Variants in HIPK2 observed in about 807,000 individuals in gnomAD.
The protein encoded by HIPK2 is homeodomain-interacting protein kinase 2.
A neutral mutation model predicts 113.7 loss-of-function variants in HIPK2; 27 were observed. That is an observed-to-expected ratio of 0.24 (90% CI 0.17 to 0.33). The LOEUF is 0.33. HIPK2 is among the 10% of genes least tolerant of loss of function. The probability of loss-of-function intolerance (pLI) is 1.00; values close to 1 mark genes in which losing one functional copy is unlikely to be tolerated. For missense variants in HIPK2, 1,257 were observed against 1,588.0 expected (o/e 0.79, Z 3.54); for synonymous variants, 631 against 642.2 (o/e 0.98, Z 0.26).
In HIPK2 at chr7:139,562,971, C is replaced by T. The variant is rs1016341462; in HGVS notation, c.*9956G>A. The stretch of plus-strand genomic sequence containing the variant: ...TCATTTGGTTAAAAAAATGCACACA[C>T]AGAGGATGAAGAGATGATTTGGGGG... On this transcript the variant is annotated 3_prime_UTR_variant, in exon 15 of 15. Coordinates refer to ENST00000406875, the MANE Select transcript of HIPK2 (RefSeq NM_022740.5). 4 of 152,122 alleles carry T rather than the reference C, an allele frequency of 2.6e-5. No individual in the cohort carries two copies. Among genetic ancestry groups the T allele is most frequent in the African/African-American group, 9.7e-5 (4 of 41,404 alleles). The allele number at this position is 152,122 out of a possible 1,614,324, so 9.4% of individuals were successfully genotyped here.
At chr7:139,670,161 C>T (rs796474290) in intron 2 of HIPK2, among the ~76,000 whole-genome samples, 9 of 152,242 alleles carry the variant, frequency 5.9e-5, no homozygotes, top group African/African-American at 2.2e-4. Context: ...GGTTCAAGTC[C>T]TAAAAGGCTG....
chr7:139,645,584 C>T (rs1010994617), intron 2 of HIPK2, among the ~76,000 whole-genome samples: 3 of 152,212 alleles, frequency 2.0e-5, no homozygotes, highest in African/African-American at 4.8e-5. Flanking sequence ...AATAAAGCCA[C>T]TACTCCTGGC....
intron 2 of HIPK2, among the ~76,000 whole-genome samples, chr7:139,632,131 G>C (rs1443342169): frequency 3.9e-5 from 6 of 152,200 alleles, no homozygotes; most frequent in African/African-American, 1.4e-4. Context: ...CTGAAACGCA[G>C]GTCTTCTATT....
chr7:139,746,468 T>C (rs1331657919), intron 1 of HIPK2, among the ~76,000 whole-genome samples: 1 of 152,182 alleles, frequency 6.6e-6, no homozygotes, highest in East Asian at 1.9e-4. Flanking sequence ...TAAGAGTGCT[T>C]GGAAAAGACA....
intron 6 of HIPK2, 74 bp from the exon 7 acceptor site, chr7:139,620,637 A>G: frequency 6.5e-7 from 1 of 1,549,082 alleles, no homozygotes; most frequent in Non-Finnish European, 8.8e-7. Context: ...TGAAGGGGAG[A>G]AAACAAAGGA....
intron 13 of HIPK2, among the ~76,000 whole-genome samples, chr7:139,583,175 TA>T (rs1798725057): frequency 6.6e-6 from 1 of 152,228 alleles, no homozygotes; most frequent in South Asian, 2.1e-4. Flanking sequence ...AGGGAAACGC[TA>T]AATAGATGCT....
intron 2 of HIPK2, among the ~76,000 whole-genome samples, chr7:139,646,746 T>G (rs924257349): frequency 1.3e-5 from 2 of 152,102 alleles, no homozygotes; most frequent in Non-Finnish European, 2.9e-5. Flanking sequence ...GCTTATGGAA[T>G]CAGGGAGCTG....
intron 1 of HIPK2, among the ~76,000 whole-genome samples, chr7:139,733,294 C>T (rs1254557277): frequency 6.6e-6 from 1 of 152,212 alleles, no homozygotes; most frequent in African/African-American, 2.4e-5. Context: ...CAGTCCTAAA[C>T]AAGCGTTTAG....
chr7:139,719,376 T>C (rs113985851), intron 1 of HIPK2, among the ~76,000 whole-genome samples: 6,911 of 152,154 alleles, frequency 0.045, 208 homozygotes, highest in Non-Finnish European at 0.063. Flanking sequence ...AGTGCTGGTA[T>C]TACAGGTGTG....
chr7:139,706,871 T>C (rs1163222533), intron 2 of HIPK2, among the ~76,000 whole-genome samples: 1 of 152,234 alleles, frequency 6.6e-6, no homozygotes, highest in Non-Finnish European at 1.5e-5. Context: ...GGGTCACACT[T>C]TCTCTGATTC....
rs202045247 is a variant in HIPK2 at position 139,757,599 on chromosome 7, A to G, written c.19+20006T>C. On this transcript the variant is annotated intron_variant, in intron 1 of 14. Coordinates refer to ENST00000406875, the MANE Select transcript of HIPK2 (RefSeq NM_022740.5). The stretch of plus-strand genomic sequence containing the variant: ...ATGAACCTTGATAACAAGCTAAGTG[A>G]AAGAAGCCAGCTGCAAAAGACCATG... 1.4e-4 allele frequency among the ~76,000 whole-genome samples: 21 copies of G among 152,350 alleles called. No individual in the cohort carries two copies. The East Asian group carries it at 3.9e-3, about 28-fold the overall frequency.
chr7:139,583,691 G>T, intron 13 of HIPK2, 126 bp downstream of exon 13: 1 of 1,377,178 alleles, frequency 7.3e-7, no homozygotes, highest in Non-Finnish European at 9.8e-7. Flanking sequence ...CCTCGGTAAG[G>T]GTCGCCTGCA....
intron 1 of HIPK2, among the ~76,000 whole-genome samples, chr7:139,750,523 T>C (rs1286076788): frequency 2.0e-5 from 3 of 152,202 alleles, no homozygotes; most frequent in African/African-American, 7.2e-5. Context: ...AAAAAAGTAA[T>C]AGTCTTGAAG....
chr7:139,644,635 C>T (rs1226447628), intron 2 of HIPK2, among the ~76,000 whole-genome samples: 2 of 152,200 alleles, frequency 1.3e-5, no homozygotes, highest in Admixed American at 1.3e-4. Context: ...TGACTGAAGC[C>T]GAGGGTTGAA....
At chr7:139,736,665 T>C (rs1191894466) in intron 1 of HIPK2, among the ~76,000 whole-genome samples, 5 of 152,092 alleles carry the variant, frequency 3.3e-5, no homozygotes, top group African/African-American at 1.2e-4. Context: ...TCGAATAACA[T>C]AAAAACTTAA....
intron 2 of HIPK2, among the ~76,000 whole-genome samples, chr7:139,648,215 C>T (rs1362044055): frequency 1.3e-5 from 2 of 152,178 alleles, no homozygotes; most frequent in Non-Finnish European, 1.5e-5. Flanking sequence ...CCCACATACC[C>T]CAAAGTTTCA....
chr7:139,571,050 T>C lies in HIPK2; in HGVS notation c.*1877A>G, dbSNP rs934097168. 6.6e-6 allele frequency: 1 copy of C among 151,862 alleles called. No homozygotes were observed. The highest frequency in any genetic ancestry group is 2.4e-5 in the African/African-American group (1 of 41,290). The allele number at this position is 151,862 out of a possible 1,614,324, so 9.4% of individuals were successfully genotyped here. A position where few individuals can be genotyped will look rare whatever the true frequency, so the allele number is the denominator to read the frequency against. On this transcript the variant is annotated 3_prime_UTR_variant, in exon 15 of 15. Coordinates refer to ENST00000406875, the MANE Select transcript of HIPK2 (RefSeq NM_022740.5). Reference sequence around the variant, plus strand: ...TTCTTTGGAAATTCAACTGTGTGAGTTTTTCCAAAGTGCAGCGTCAGACCC... The same window carrying C: ...TTCTTTGGAAATTCAACTGTGTGAGCTTTTCCAAAGTGCAGCGTCAGACCC...
chr7:139,677,987 T>C (rs1802563958), intron 2 of HIPK2, among the ~76,000 whole-genome samples: 2 of 152,272 alleles, frequency 1.3e-5, no homozygotes. Context: ...TGAGCTTTTT[T>C]TCATATGTTT....
chr7:139,563,775 TGTG>T lies in HIPK2; in HGVS notation c.*9149_*9151del, dbSNP rs1237928859. 6 of 398,244 alleles carry T rather than the reference TGTG, an allele frequency of 1.5e-5. No homozygotes were observed. The highest frequency in any genetic ancestry group is 1.2e-4 in the African/African-American group (6 of 48,550). The allele number at this position is 398,244 out of a possible 1,614,324, so 24.7% of individuals were successfully genotyped here. On this transcript the variant is annotated 3_prime_UTR_variant, in exon 15 of 15. Coordinates refer to ENST00000406875, the MANE Select transcript of HIPK2 (RefSeq NM_022740.5). ...ATACAGTTCACAGGGAAAAAGCAAA[TGTG>T]GTATTTTTTTGTATTTTTTAAAAGC... is the stretch of plus-strand genomic sequence containing the variant.
Sources: gnomAD v4.1 joint callset for allele counts (sites outside exome capture counted in the v4.1 genomes callset) on GRCh38, gnomAD v4.1.1 for gene constraint, MANE v1.5 for transcripts, NCBI Gene and HGNC (gene_info 2026-07-23, HGNC 2026-07-21) for gene names.